Variants in TNFSF4 observed in about 807,000 individuals in gnomAD.
TNFSF4 encodes tumor necrosis factor ligand superfamily member 4.
TNFSF4 carries 4 observed loss-of-function variants against 7.3 expected under a neutral mutation model. That is an observed-to-expected ratio of 0.55 (90% CI 0.27 to 1.25). The LOEUF is 1.25. TNFSF4 is among the 50% of genes most tolerant of loss of function. The probability of loss-of-function intolerance (pLI) is 0.12; values close to 1 mark genes in which losing one functional copy is unlikely to be tolerated. For missense variants in TNFSF4, 181 were observed against 208.8 expected, an observed-to-expected ratio of 0.87 and a Z score of 0.82; for synonymous variants, 76 against 83.7, an observed-to-expected ratio of 0.91 and a Z score of 0.50.
At chr1:173,177,924 G>A in the TNFSF4 span, among the ~76,000 whole-genome samples, 2 of 152,180 alleles carry the variant, frequency 1.3e-5, no homozygotes, top group Non-Finnish European at 2.9e-5. Context: ...GCATGTTTGA[G>A]CTGAGCCTTG....
chr1:173,269,127 T>A, the TNFSF4 span, among the ~76,000 whole-genome samples: 1 of 152,176 alleles, frequency 6.6e-6, no homozygotes, highest in East Asian at 1.9e-4. Context: ...GTATTTATAA[T>A]TTATAATGCA....
the TNFSF4 span, among the ~76,000 whole-genome samples, chr1:173,427,335 CTGGGG>C: frequency 2.0e-5 from 3 of 152,138 alleles, no homozygotes; most frequent in Admixed American, 6.5e-5. Context: ...ATTGTCACAA[CTGGGG>C]AGTGGCTGCT....
chr1:173,242,533 C>A, the TNFSF4 span, among the ~76,000 whole-genome samples: 2 of 152,134 alleles, frequency 1.3e-5, no homozygotes, highest in African/African-American at 2.4e-5. Context: ...AGAATAATGA[C>A]CTATGAGTAT....
At chr1:173,434,556 G>A in the TNFSF4 span, among the ~76,000 whole-genome samples, 1 of 152,330 alleles carries the variant, frequency 6.6e-6, no homozygotes, top group South Asian at 2.1e-4. Flanking sequence ...TCATGGATGT[G>A]CTGGGGAATG....
At chr1:173,340,745 G>T in the TNFSF4 span, among the ~76,000 whole-genome samples, 1 of 151,310 alleles carries the variant, frequency 6.6e-6, no homozygotes, top group African/African-American at 2.4e-5. Flanking sequence ...TGGGAATGAG[G>T]GGGAAGAGAT....
the TNFSF4 span, among the ~76,000 whole-genome samples, chr1:173,308,168 C>T: frequency 4.0e-5 from 6 of 151,808 alleles, no homozygotes; most frequent in Non-Finnish European, 8.8e-5. Context: ...GCCTTTAAGT[C>T]TTATAATGGT....
chr1:173,282,301 C>T, the TNFSF4 span, among the ~76,000 whole-genome samples: 4 of 151,688 alleles, frequency 2.6e-5, no homozygotes, highest in African/African-American at 4.8e-5. Flanking sequence ...ATATCATATG[C>T]ACCCCATAAG....
chr1:173,283,262 C>T, the TNFSF4 span, among the ~76,000 whole-genome samples: 2 of 152,126 alleles, frequency 1.3e-5, no homozygotes, highest in Non-Finnish European at 1.5e-5. Flanking sequence ...TCTGAAGGCA[C>T]CAATCAACAA....
At chr1:173,230,045 A>T in the TNFSF4 span, among the ~76,000 whole-genome samples, 3 of 152,184 alleles carry the variant, frequency 2.0e-5, no homozygotes, top group Admixed American at 2.0e-4. Context: ...GTTGACAAGG[A>T]TATCCACGAA....
At chr1:173,358,322 C>T in the TNFSF4 span, among the ~76,000 whole-genome samples, 1 of 152,220 alleles carries the variant, frequency 6.6e-6, no homozygotes, top group African/African-American at 2.4e-5. Context: ...CTCGCTCTAT[C>T]ACCCCATTTG....
chr1:173,194,747 T>A (rs1400647467), intron 1 of TNFSF4, among the ~76,000 whole-genome samples: 1 of 151,470 alleles, frequency 6.6e-6, no homozygotes, highest in African/African-American at 2.4e-5. Context: ...ATAAAAAAAA[T>A]AGCTGGACAT....
the TNFSF4 span, among the ~76,000 whole-genome samples, chr1:173,235,426 G>T: frequency 6.6e-6 from 1 of 150,788 alleles, no homozygotes; most frequent in Non-Finnish European, 1.5e-5. Context: ...ATTCCAGGTG[G>T]GTCCACCCCA....
chr1:173,265,323 G>A, the TNFSF4 span, among the ~76,000 whole-genome samples: 2 of 152,278 alleles, frequency 1.3e-5, no homozygotes, highest in African/African-American at 4.8e-5. Flanking sequence ...GTCTGGAAAC[G>A]TGTTTCCTTG....
At chr1:173,257,401 G>A in the TNFSF4 span, among the ~76,000 whole-genome samples, 20 of 152,152 alleles carry the variant, frequency 1.3e-4, 1 homozygote, top group African/African-American at 4.6e-4. Flanking sequence ...CCAGAGTTGG[G>A]CCAAACTTCA....
chr1:173,209,407 G>A (rs1229998886), upstream of TNFSF4, among the ~76,000 whole-genome samples: 1 of 152,140 alleles, frequency 6.6e-6, no homozygotes, highest in East Asian at 1.9e-4. Flanking sequence ...CATAAGCAGA[G>A]TCCTCCATCT....
At chr1:173,187,596 AAGGGCATATACTT>A (rs1234097331) in intron 2 of TNFSF4, among the ~76,000 whole-genome samples, 8 of 152,164 alleles carry the variant, frequency 5.3e-5, no homozygotes, top group Non-Finnish European at 8.8e-5. Context: ...GGAAGAGCTC[AAGGGCATATACTT>A]GCTTCTCTTC....
the TNFSF4 span, among the ~76,000 whole-genome samples, chr1:173,442,532 G>A: frequency 1.4e-5 from 2 of 141,348 alleles, no homozygotes; most frequent in Non-Finnish European, 3.1e-5. Flanking sequence ...TCGGTTTTTG[G>A]TTTTTCGTTT....
At chr1:173,242,053 A>C in the TNFSF4 span, among the ~76,000 whole-genome samples, 3 of 152,338 alleles carry the variant, frequency 2.0e-5, no homozygotes, top group South Asian at 6.2e-4. Context: ...TAATGCTTAG[A>C]GTTTCACAAT....
the TNFSF4 span, among the ~76,000 whole-genome samples, chr1:173,334,218 T>C: frequency 1.3e-5 from 2 of 152,140 alleles, no homozygotes; most frequent in African/African-American, 4.8e-5. Flanking sequence ...CTAGTGTCTA[T>C]TTTTAGTGGT....
Sources: allele counts gnomAD v4.1 joint callset (sites outside exome capture counted in the v4.1 genomes callset), GRCh38; gene constraint gnomAD v4.1.1; transcripts MANE v1.5; gene names NCBI Gene and HGNC (gene_info 2026-07-23, HGNC 2026-07-21).